The following HNF4G variants were observed in gnomAD, a reference collection of about 807,000 sequenced individuals.
The protein encoded by HNF4G is hepatocyte nuclear factor 4-gamma.
In HNF4G, 21 loss-of-function variants were observed where a neutral mutation model predicts 50.9. The ratio of observed to expected loss-of-function variants is 0.41; its 90% CI spans 0.29 to 0.59. HNF4G has a LOEUF of 0.59. Among genes scored for constraint, HNF4G ranks in the 20% least tolerant of loss-of-function variants. The probability of loss-of-function intolerance (pLI) is 0.26; values close to 1 mark genes in which losing one functional copy is unlikely to be tolerated. For missense variants in HNF4G, 527 were observed against 559.4 expected, an observed-to-expected ratio of 0.94 and a Z score of 0.58; for synonymous variants, 198 against 185.6, an observed-to-expected ratio of 1.07 and a Z score of -0.54.
At chr8:75,559,349 C>G (rs557937746) in intron 8 of HNF4G, among the ~76,000 whole-genome samples, 2 of 151,862 alleles carry the variant, frequency 1.3e-5, no homozygotes, top group East Asian at 3.9e-4. Context: ...TCTCGGCTCA[C>G]TGCAACCTCC....
intron 2 of HNF4G, among the ~76,000 whole-genome samples, chr8:75,545,072 A>C (rs926224131): frequency 2.0e-5 from 3 of 152,190 alleles, no homozygotes; most frequent in African/African-American, 7.2e-5. Flanking sequence ...AAGTGTATTT[A>C]GATAAGTTTT....
intron 1 of HNF4G, among the ~76,000 whole-genome samples, chr8:75,444,073 A>G (rs996929512): frequency 6.6e-6 from 1 of 152,172 alleles, no homozygotes; most frequent in Non-Finnish European, 1.5e-5. Context: ...GACTAACAGC[A>G]GATCTCTCAG....
At chr8:75,500,595 T>G (rs1044162605) in intron 2 of HNF4G, among the ~76,000 whole-genome samples, 10 of 152,138 alleles carry the variant, frequency 6.6e-5, no homozygotes, top group African/African-American at 1.9e-4. Context: ...TCATAAAAAC[T>G]GAATAGTGGA....
intron 1 of HNF4G, among the ~76,000 whole-genome samples, chr8:75,412,050 T>C (rs1810515099): frequency 1.3e-5 from 2 of 152,182 alleles, no homozygotes; most frequent in Admixed American, 1.3e-4. Context: ...CTTGTTTTTA[T>C]TGATCTTCTC....
chr8:75,470,665 G>A (rs1172159670), intron 1 of HNF4G, among the ~76,000 whole-genome samples: 2 of 152,132 alleles, frequency 1.3e-5, no homozygotes, highest in East Asian at 3.9e-4. Flanking sequence ...TACAAAATAG[G>A]TAGTATTTTA....
intron 1 of HNF4G, among the ~76,000 whole-genome samples, chr8:75,487,253 T>A (rs1003022400): frequency 7.4e-6 from 1 of 135,152 alleles, no homozygotes; most frequent in Non-Finnish European, 1.6e-5. Flanking sequence ...ATTCTTATAT[T>A]TTTTTATTTT....
intron 1 of HNF4G, among the ~76,000 whole-genome samples, chr8:75,455,017 G>T (rs1023818324): frequency 6.6e-6 from 1 of 152,096 alleles, no homozygotes; most frequent in African/African-American, 2.4e-5. Context: ...TAAAAATTAA[G>T]ATAAAGGTTT....
rs369392405 is a variant in HNF4G, at chr8:75,436,156, G to A, written c.-144+27994G>A. ...AAAATTGTATTGAAAAACATTAGAA[G>A]ACAAATAAATTAAAAAATATATTGT... On this transcript the variant is annotated intron_variant, in intron 1 of 10. Coordinates refer to the HNF4G transcript ENST00000354370. 1.1e-4 allele frequency among the ~76,000 whole-genome samples: 16 copies of A among 152,194 alleles called. No individual in the cohort carries two copies. In the East Asian group the frequency reaches 2.7e-3, roughly 26 times the overall value.
At chr8:75,543,577 G>C (rs1442721384) in intron 1 of HNF4G, among the ~76,000 whole-genome samples, 1 of 152,052 alleles carries the variant, frequency 6.6e-6, no homozygotes, top group Non-Finnish European at 1.5e-5. Flanking sequence ...ACTTCCCTTG[G>C]GAAAGAGCAT....
chr8:75,431,205 G>T (rs1811008171), intron 1 of HNF4G, among the ~76,000 whole-genome samples: 2 of 152,036 alleles, frequency 1.3e-5, no homozygotes, highest in South Asian at 4.1e-4. Flanking sequence ...AGAGACTTTA[G>T]GAGATAGAGA....
At chr8:75,418,528 T>C (rs541315975) in intron 1 of HNF4G, among the ~76,000 whole-genome samples, 1 of 152,300 alleles carries the variant, frequency 6.6e-6, no homozygotes, top group East Asian at 1.9e-4. Flanking sequence ...TAGAAAGCTT[T>C]CCTCTCTCCT....
intron 3 of HNF4G, among the ~76,000 whole-genome samples, chr8:75,550,372 G>A (rs1355676677): frequency 6.6e-6 from 1 of 151,856 alleles, no homozygotes; most frequent in African/African-American, 2.4e-5. Context: ...GTGTGCAGTG[G>A]TGCGATCTTG....
chr8:75,477,512 G>T (rs546640519), intron 1 of HNF4G, among the ~76,000 whole-genome samples: 1 of 152,126 alleles, frequency 6.6e-6, no homozygotes, highest in African/African-American at 2.4e-5. Context: ...GGAAATTTAC[G>T]CAAGAGAGAA....
In HNF4G at chr8:75,540,039, C is replaced by A. The variant is rs766570244; in HGVS notation, c.77C>A (p.Thr26Asn). 1.9e-6 allele frequency: 3 copies of A among 1,608,912 alleles called. No individual in the cohort carries two copies. The highest frequency in any genetic ancestry group is 2.6e-6 in the Non-Finnish European group (3 of 1,175,418). The change falls in exon 1 of 10, where the codon ACT becomes AAT. Residue 26 changes from threonine (T) to asparagine (N), a missense_variant. By Grantham distance (65) the Thr-to-Asn change is moderately conservative (BLOSUM62 0). This residue lies in a region of HNF4G where 84 missense variants were observed against 87.1 expected (regional missense o/e 0.96). Coordinates refer to ENST00000396423, the MANE Select transcript of HNF4G (RefSeq NM_004133.5). ...GAAGTTTTGGACCCAACTTACACAA[C>A]TTTGGAGTTTGAAACTATGCAGATT... ...YSEVLDPTYT[T>N]LEFETMQILY...
intron 1 of HNF4G, among the ~76,000 whole-genome samples, chr8:75,453,211 G>A (rs1358288764): frequency 6.6e-6 from 1 of 152,196 alleles, no homozygotes; most frequent in Non-Finnish European, 1.5e-5. Flanking sequence ...CCTGGTGAGA[G>A]GTGAAGCCAG....
intron 5 of HNF4G, among the ~76,000 whole-genome samples, chr8:75,553,580 C>T (rs1807030165): frequency 6.6e-6 from 1 of 151,956 alleles, no homozygotes; most frequent in Admixed American, 6.6e-5. Flanking sequence ...TTTACTGAAG[C>T]TGCTATATAA....
intron 5 of HNF4G, among the ~76,000 whole-genome samples, chr8:75,555,579 T>TA (rs1807091875): frequency 8.5e-5 from 7 of 82,086 alleles, no homozygotes; most frequent in Admixed American, 2.7e-4. Context: ...GAGATTTTTT[T>TA]TATCTCTACT....
intron 3 of HNF4G, among the ~76,000 whole-genome samples, chr8:75,551,163 G>T (rs550443876): frequency 6.6e-6 from 1 of 151,986 alleles, no homozygotes; most frequent in African/African-American, 2.4e-5. Context: ...TTTCTAACAT[G>T]CATGCTGTCA....
intron 1 of HNF4G, among the ~76,000 whole-genome samples, chr8:75,440,456 A>G (rs903519986): frequency 6.6e-6 from 1 of 152,176 alleles, no homozygotes; most frequent in Non-Finnish European, 1.5e-5. Context: ...GCTTTTTAAA[A>G]CCATCTATGA....
Sources: gnomAD v4.1 joint callset for allele counts (sites outside exome capture counted in the v4.1 genomes callset) on GRCh38, gnomAD v4.1.1 for gene constraint, gnomAD v4.1.1 regional missense constraint, MANE v1.5 for transcripts, NCBI Gene and HGNC (gene_info 2026-07-23, HGNC 2026-07-21) for gene names.